Variants in NCKAP5 observed in about 807,000 individuals in gnomAD.
NCKAP5 encodes the protein nck-associated protein 5.
Under a neutral mutation model 167.0 loss-of-function variants are expected in NCKAP5, and 92 were observed. The ratio of observed to expected loss-of-function variants is 0.55; its 90% CI spans 0.47 to 0.66. NCKAP5 has a LOEUF of 0.66. Among genes scored for constraint, NCKAP5 ranks in the 30% least tolerant of loss-of-function variants. The probability of loss-of-function intolerance (pLI) is 0.00; values close to 1 mark genes in which losing one functional copy is unlikely to be tolerated. For synonymous variants in NCKAP5, 891 were observed against 877.4 expected (o/e 1.02, Z -0.27); for missense variants, 2,378 against 2,315.0 (o/e 1.03, Z -0.56).
At chr2:133,453,787 T>C (rs2151205744) in intron 3 of NCKAP5, among the ~76,000 whole-genome samples, 1 of 152,210 alleles carries the variant, frequency 6.6e-6, no homozygotes, top group East Asian at 1.9e-4. Flanking sequence ...CTTTCAACTT[T>C]TCTGGATATG....
chr2:133,514,673 C>T (rs886452536), intron 3 of NCKAP5, among the ~76,000 whole-genome samples: 18 of 152,066 alleles, frequency 1.2e-4, no homozygotes, highest in African/African-American at 3.4e-4. Flanking sequence ...TGTGTCATGA[C>T]GATTATTGCA....
At chr2:133,600,599 C>T in the NCKAP5 span, among the ~76,000 whole-genome samples, 3 of 152,202 alleles carry the variant, frequency 2.0e-5, no homozygotes, top group Non-Finnish European at 4.4e-5. Context: ...ATTATAAATC[C>T]TTTTAACAGG....
chr2:133,446,838 G>GGAAAGGGA (rs1691225867), intron 3 of NCKAP5, among the ~76,000 whole-genome samples: 1 of 152,092 alleles, frequency 6.6e-6, no homozygotes, highest in South Asian at 2.1e-4. Flanking sequence ...AGAAGTGAGG[G>GGAAAGGGA]GAAAGGGAGA....
intron 19 of NCKAP5, among the ~76,000 whole-genome samples, chr2:132,697,523 T>C (rs984995359): frequency 2.0e-5 from 3 of 151,862 alleles, no homozygotes; most frequent in Non-Finnish European, 2.9e-5. Context: ...TTAACATAAA[T>C]AGAAAGAAAA....
the NCKAP5 span, among the ~76,000 whole-genome samples, chr2:133,650,903 A>C: frequency 1.3e-4 from 20 of 152,262 alleles, no homozygotes; most frequent in African/African-American, 4.6e-4. Flanking sequence ...CAAACAAAAA[A>C]AAGGTACCAG....
chr2:132,714,775 T>G, intron 19 of NCKAP5: 1 of 427,192 alleles, frequency 2.3e-6, no homozygotes, highest in Non-Finnish European at 4.6e-6. Context: ...ATCATGCCAC[T>G]GCACTCCAGT....
At chr2:133,118,292 A>AT (rs2082143899) in intron 6 of NCKAP5, 1 of 151,786 alleles carries the variant, frequency 6.6e-6, no homozygotes, top group Non-Finnish European at 1.5e-5. Context: ...TTTTTTAATT[A>AT]TCATACTTCA....
intron 16 of NCKAP5, among the ~76,000 whole-genome samples, chr2:132,771,944 G>T (rs1682111626): frequency 6.7e-6 from 1 of 150,116 alleles, no homozygotes; most frequent in South Asian, 2.1e-4. Context: ...ACCTGCCTTG[G>T]CCTCCCAAAG....
At chr2:133,609,779 A>G in the NCKAP5 span, among the ~76,000 whole-genome samples, 3 of 152,212 alleles carry the variant, frequency 2.0e-5, no homozygotes, top group African/African-American at 7.2e-5. Flanking sequence ...TAGAGATATA[A>G]TAAGTATCCA....
the NCKAP5 span, among the ~76,000 whole-genome samples, chr2:133,576,517 C>T: frequency 6.6e-6 from 1 of 152,194 alleles, no homozygotes; most frequent in Non-Finnish European, 1.5e-5. Context: ...ATCCTCACTG[C>T]AAACATATAG....
In NCKAP5 at chr2:132,773,904, G is replaced by T. The variant is rs773221486; in HGVS notation, c.5050-10C>A. The T allele has an allele frequency of 3.7e-6, 6 of 1,604,552 alleles. No individual in the cohort carries two copies. In the East Asian group the frequency reaches 8.9e-5, roughly 24 times the overall value. Reference sequence around the variant, plus strand: ...CATTTGCCTCTTTTACCTGCAGGAAGAAGAAAATGATGCAAGTTCTTATTT... The same window carrying T: ...CATTTGCCTCTTTTACCTGCAGGAATAAGAAAATGATGCAAGTTCTTATTT... On this transcript the variant is annotated splice_polypyrimidine_tract_variant and intron_variant, in intron 15 of 19. Transcript: ENST00000409261.
intron 16 of NCKAP5, among the ~76,000 whole-genome samples, chr2:132,766,467 T>A (rs1036813085): frequency 6.6e-6 from 1 of 152,092 alleles, no homozygotes; most frequent in Non-Finnish European, 1.5e-5. Context: ...TTTCTTCTAG[T>A]CCCATCTGAA....
the NCKAP5 span, among the ~76,000 whole-genome samples, chr2:133,618,229 A>C: frequency 6.6e-6 from 1 of 151,938 alleles, no homozygotes; most frequent in Non-Finnish European, 1.5e-5. Flanking sequence ...ATTACCATTC[A>C]GGACATAGGC....
chr2:132,933,850 G>C (rs1304933153), intron 8 of NCKAP5, among the ~76,000 whole-genome samples: 1 of 152,010 alleles, frequency 6.6e-6, no homozygotes, highest in Non-Finnish European at 1.5e-5. Context: ...TTTTCAGAGG[G>C]GGAAAAAAAA....
At chr2:133,266,945 C>T (rs1326475390) in intron 4 of NCKAP5, among the ~76,000 whole-genome samples, 2 of 152,124 alleles carry the variant, frequency 1.3e-5, no homozygotes, top group African/African-American at 2.4e-5. Context: ...TACCCACTCC[C>T]CCTCCCCTCC....
chr2:133,315,717 T>C (rs762692501), intron 3 of NCKAP5, among the ~76,000 whole-genome samples: 2 of 151,510 alleles, frequency 1.3e-5, no homozygotes, highest in Non-Finnish European at 2.9e-5. Flanking sequence ...TTAAATACAA[T>C]CAGTGGTCAA....
At chr2:132,716,361 A>G (rs1375681462) in intron 19 of NCKAP5, among the ~76,000 whole-genome samples, 3 of 152,116 alleles carry the variant, frequency 2.0e-5, no homozygotes, top group Non-Finnish European at 4.4e-5. Context: ...GTGAAGCAGC[A>G]TCTGATTTGG....
At chr2:132,863,731 T>A (rs1203847725) in intron 10 of NCKAP5, among the ~76,000 whole-genome samples, 2 of 152,154 alleles carry the variant, frequency 1.3e-5, no homozygotes, top group Non-Finnish European at 2.9e-5. Context: ...TGAAAATCTG[T>A]AGATAGGAAA....
chr2:132,683,316 G>A (rs183559939), intron 19 of NCKAP5, among the ~76,000 whole-genome samples: 4 of 152,282 alleles, frequency 2.6e-5, no homozygotes, highest in Admixed American at 1.3e-4. Flanking sequence ...GAAAGAAAAG[G>A]AGGGCAGGCA....
Sources: gnomAD v4.1 joint callset for allele counts (sites outside exome capture counted in the v4.1 genomes callset) on GRCh38, gnomAD v4.1.1 for gene constraint, MANE v1.5 for transcripts, NCBI Gene and HGNC (gene_info 2026-07-23, HGNC 2026-07-21) for gene names.